Variants in ALDH5A1 observed in about 807,000 individuals in gnomAD.
ALDH5A1 encodes the protein succinate-semialdehyde dehydrogenase, mitochondrial.
In ALDH5A1, 33 loss-of-function variants were observed where a neutral mutation model predicts 54.7. That is an observed-to-expected ratio of 0.60 (90% CI 0.46 to 0.81). The LOEUF (loss-of-function observed/expected upper bound fraction) is 0.81, where lower values mean the gene tolerates loss of function less well. ALDH5A1 is among the 30% of genes least tolerant of loss of function. ALDH5A1 has a pLI of 0.00. For missense variants in ALDH5A1, 657 were observed against 711.0 expected (o/e 0.92, Z 0.86); for synonymous variants, 294 against 292.7 (o/e 1.00, Z -0.05).
intron 3 of ALDH5A1, among the ~76,000 whole-genome samples, chr6:24,504,102 G>T (rs1759272643): frequency 6.6e-6 from 1 of 152,148 alleles, no homozygotes; most frequent in African/African-American, 2.4e-5. Flanking sequence ...GCCTAGACTG[G>T]CTAGGTTTGA....
At chr6:24,498,278 C>T (rs1764750925) in intron 1 of ALDH5A1, among the ~76,000 whole-genome samples, 1 of 152,116 alleles carries the variant, frequency 6.6e-6, no homozygotes, top group African/African-American at 2.4e-5. Context: ...TGAGAGCGAA[C>T]CCTAGGCTAG....
At chr6:24,520,603 A>G (rs533527234) in intron 6 of ALDH5A1, 59 bp downstream of exon 6, 52 of 1,583,744 alleles carry the variant, frequency 3.3e-5, no homozygotes, top group African/African-American at 8.1e-5. Context: ...GAGTGTGTGT[A>G]TGTGTGTGTG....
intron 1 of ALDH5A1, among the ~76,000 whole-genome samples, chr6:24,499,274 A>G (rs539357285): frequency 6.6e-6 from 1 of 152,242 alleles, no homozygotes; most frequent in South Asian, 2.1e-4. Context: ...CCTGGGTGAC[A>G]GAGCGAGACT....
chr6:24,495,627 C>T (rs914483112), intron 1 of ALDH5A1, among the ~76,000 whole-genome samples: 5 of 152,170 alleles, frequency 3.3e-5, no homozygotes, highest in African/African-American at 1.2e-4. Flanking sequence ...GCGCCTAATA[C>T]AAGCGAGCTG....
At chr6:24,510,747 C>T (rs924185425) in intron 4 of ALDH5A1, among the ~76,000 whole-genome samples, 10 of 152,158 alleles carry the variant, frequency 6.6e-5, no homozygotes, top group African/African-American at 2.4e-4. Context: ...TTGGTGAACT[C>T]TCATCCATTC....
At chr6:24,533,424 T>A in intron 9 of ALDH5A1, 83 bp from the exon 10 acceptor site, 2 of 1,446,428 alleles carry the variant, frequency 1.4e-6, no homozygotes, top group South Asian at 1.2e-5. Context: ...GGACAAAAAG[T>A]CATCAATGGT....
At chr6:24,496,498 G>A (rs919374382) in intron 1 of ALDH5A1, among the ~76,000 whole-genome samples, 16 of 152,174 alleles carry the variant, frequency 1.1e-4, no homozygotes, top group Admixed American at 1.0e-3. Context: ...CTGAACAACA[G>A]ACATTTCTCA....
rs1204927317 is a variant in ALDH5A1, at chr6:24,495,069, C to G, written c.73C>G (p.Arg25Gly). Reference sequence around the variant, plus strand: ...GTCGACGTTTCCAGGCTGCCGCCTCCGCCCCCGCGCCGGCGGCCTGGTCCC... The same window carrying G: ...GTCGACGTTTCCAGGCTGCCGCCTCGGCCCCCGCGCCGGCGGCCTGGTCCC... ...LGSTFPGCRL[R>G]PRAGGLVPAS... The change falls in exon 1 of 10, where the codon CGC (arginine) becomes GGC (glycine). Residue 25 changes from arginine (R) to glycine (G), a missense_variant. Arg to Gly is a moderately radical substitution (Grantham distance 125, BLOSUM62 -2). Coordinates refer to ENST00000357578, the MANE Select transcript of ALDH5A1 (RefSeq NM_001080.3). The G allele has an allele frequency of 1.5e-6, 2 of 1,329,144 alleles. No individual in the cohort carries two copies. Among genetic ancestry groups the G allele is most frequent in the Non-Finnish European group, 1.9e-6 (2 of 1,041,526 alleles). 82.3% of individuals were successfully genotyped at this position (1,329,144 alleles called of 1,614,324 possible).
chr6:24,500,836 T>G (rs1764806103), intron 1 of ALDH5A1, among the ~76,000 whole-genome samples: 1 of 152,070 alleles, frequency 6.6e-6, no homozygotes, highest in Admixed American at 6.6e-5. Flanking sequence ...TCTCTATTAC[T>G]CATCAAAGAA....
chr6:24,512,518 C>A (rs1473547869), intron 4 of ALDH5A1, among the ~76,000 whole-genome samples: 1 of 152,154 alleles, frequency 6.6e-6, no homozygotes, highest in African/African-American at 2.4e-5. Flanking sequence ...TGATTTACTT[C>A]TTTCTTCTGA....
At chr6:24,498,329 ATACT>A (rs1273065107) in intron 1 of ALDH5A1, among the ~76,000 whole-genome samples, 1 of 152,218 alleles carries the variant, frequency 6.6e-6, no homozygotes, top group Non-Finnish European at 1.5e-5. Flanking sequence ...TACTGCATAC[ATACT>A]TACAGCTATG....
intron 1 of ALDH5A1, among the ~76,000 whole-genome samples, chr6:24,501,158 G>A (rs778681816): frequency 6.6e-6 from 1 of 152,206 alleles, no homozygotes; most frequent in Non-Finnish European, 1.5e-5. Flanking sequence ...ATAACATGAT[G>A]TTAACTTGGT....
chr6:24,502,404 C>T, intron 1 of ALDH5A1, 119 bp from the exon 2 acceptor site: 2 of 819,074 alleles, frequency 2.4e-6, no homozygotes, highest in Non-Finnish European at 4.1e-6. Context: ...TAAAATTAAC[C>T]ATTACAACCA....
In ALDH5A1 at chr6:24,518,488, T is replaced by G. The variant is rs1759614561; in HGVS notation, c.871-1913T>G. ...TGCTCAAGGCCAGGTGGAGGCAAAA[T>G]GGAGTGACCCAACAGTGAGAATCAT... On this transcript the variant is annotated intron_variant, in intron 5 of 9. Transcript: ENST00000357578. This position sits in a 1 kb window ranked among gnomAD's most constrained non-coding sequence, Gnocchi z 4.2. Among the ~76,000 whole-genome samples the G allele has an allele frequency of 1.3e-5, 2 of 152,084 alleles. No homozygotes were observed. The highest frequency in any genetic ancestry group is 6.5e-5 in the Admixed American group (1 of 15,268).
chr6:24,502,054 TCTGCTGTCTGCAAGC>T (rs1183371504), intron 1 of ALDH5A1, among the ~76,000 whole-genome samples: 1 of 152,038 alleles, frequency 6.6e-6, no homozygotes, highest in Non-Finnish European at 1.5e-5. Flanking sequence ...AGTCCCACCC[TCTGCTGTCTGCAAGC>T]TGGAGACCTA....
chr6:24,530,406 G>C (rs1759912085), intron 8 of ALDH5A1, among the ~76,000 whole-genome samples: 2 of 152,084 alleles, frequency 1.3e-5, no homozygotes. Flanking sequence ...TGTCTCCCGT[G>C]GTATAGGTTG....
rs530740448 is a variant in ALDH5A1, at chr6:24,517,305, T to G, written c.870+1995T>G. Among the ~76,000 whole-genome samples, 3 of 152,238 alleles carry G rather than the reference T, an allele frequency of 2.0e-5. No individual in the cohort carries two copies. The East Asian group carries it at 5.8e-4, about 29-fold the overall frequency. Reference sequence around the variant, plus strand: ...ATAGGTGTGAGCCAGCGTGCCCAGCTGGAATAATGTACTTTTAATGTCTCC... The same window carrying G: ...ATAGGTGTGAGCCAGCGTGCCCAGCGGGAATAATGTACTTTTAATGTCTCC... On this transcript the variant is annotated intron_variant, in intron 5 of 9. Coordinates refer to ENST00000357578, the MANE Select transcript of ALDH5A1 (RefSeq NM_001080.3).
At chr6:24,519,600 TGC>T (rs1410260583) in intron 5 of ALDH5A1, among the ~76,000 whole-genome samples, 2 of 152,166 alleles carry the variant, frequency 1.3e-5, no homozygotes, top group Middle Eastern at 3.4e-3. Flanking sequence ...GAAACATATG[TGC>T]TGACACAAGA....
rs1207645554 is a variant in ALDH5A1, at chr6:24,522,898, A to G, written c.1146A>G (p.Pro382=). Residue 382 remains proline (P), a synonymous_variant, in exon 7 of 10, where the codon CCA becomes CCG. Coordinates refer to ENST00000357578, the MANE Select transcript of ALDH5A1 (RefSeq NM_001080.3). ...NGFEEGTTQG[P]LINEKAVEKV... ...TTGAGGAAGGAACTACTCAGGGCCCATTAATTAATGAAAAAGCGGTAGAAA... is the reference window on the plus strand; with the variant it reads ...TTGAGGAAGGAACTACTCAGGGCCCGTTAATTAATGAAAAAGCGGTAGAAA... 6 of 1,613,962 alleles carry G rather than the reference A, an allele frequency of 3.7e-6. No homozygotes were observed. The highest frequency in any genetic ancestry group is 1.7e-4 in the Middle Eastern group (1 of 6,060).
Sources: gnomAD v4.1 joint callset for allele counts (sites outside exome capture counted in the v4.1 genomes callset) on GRCh38, gnomAD v4.1.1 for gene constraint, Gnocchi (gnomAD v3.1) non-coding constraint, MANE v1.5 for transcripts, NCBI Gene and HGNC (gene_info 2026-07-23, HGNC 2026-07-21) for gene names.